PLRG1: variants seen among roughly 807,000 people sequenced by gnomAD.
The protein encoded by PLRG1 is pleiotropic regulator 1, also known as pleiotropic regulator 1 (PRL1 homolog, Arabidopsis).
PLRG1 carries 28 observed loss-of-function variants against 74.9 expected under a neutral mutation model. That is an observed-to-expected ratio of 0.37 (90% CI 0.28 to 0.51). PLRG1 has a LOEUF of 0.51. PLRG1 is among the 20% of genes least tolerant of loss of function. The pLI, the probability that PLRG1 is intolerant of heterozygous loss-of-function variation, is 0.91. For synonymous variants in PLRG1, 197 were observed against 212.4 expected, an observed-to-expected ratio of 0.93 and a Z score of 0.63; for missense variants, 445 against 631.9, an observed-to-expected ratio of 0.70 and a Z score of 3.17.
Position 154,536,144 on chromosome 4 carries a change from A to G in PLRG1, c.*541T>C, listed in dbSNP as rs893320810. On this transcript the variant is annotated 3_prime_UTR_variant, in exon 15 of 15. Transcript: ENST00000499023. Reference sequence around the variant, plus strand: ...TACAGAATTTCTATACTAAGCTACCAAACTGGAAGTCTTAGAGGATAGACA... The same window carrying G: ...TACAGAATTTCTATACTAAGCTACCGAACTGGAAGTCTTAGAGGATAGACA... The G allele has an allele frequency of 2.0e-5, 3 of 153,070 alleles. No homozygotes were observed. The highest frequency in any genetic ancestry group is 2.1e-4 in the South Asian group (1 of 4,856). 9.5% of individuals were successfully genotyped at this position (153,070 alleles called of 1,614,324 possible).
chr4:154,537,623 T>C (rs1239617123), intron 13 of PLRG1, 144 bp from the exon 14 acceptor site: 1 of 571,176 alleles, frequency 1.8e-6, no homozygotes, highest in Non-Finnish European at 3.0e-6. Flanking sequence ...TCTCTTAATA[T>C]TGGTTTGTCT....
intron 1 of PLRG1, chr4:154,549,203 G>T: frequency 2.3e-6 from 1 of 430,464 alleles, no homozygotes. Flanking sequence ...TGTCTGGCAG[G>T]TATTGTGCTA....
Position 154,546,147 on chromosome 4 carries a change from G to A in PLRG1, c.380C>T (p.Ala127Val), listed in dbSNP as rs1454378408. ...CTTGGTCTGCAAAGGTAATGCCACC[G>A]CTAAGGACTGTGCAGCTGATTCACT... ...MPSESAAQSL[A>V]VALPLQTKAD... Residue 127 changes from alanine to valine, a missense_variant, in exon 5 of 15, where the codon GCG (alanine) becomes GTG (valine). Transcript: ENST00000499023. 6 of 1,599,732 alleles carry A rather than the reference G, an allele frequency of 3.8e-6. No homozygotes were observed. Among genetic ancestry groups the A allele is most frequent in the Admixed American group, 1.7e-5 (1 of 59,908 alleles).
Position 154,548,858 on chromosome 4 carries a change from A to T in PLRG1, c.87T>A (p.Asn29Lys), listed in dbSNP as rs771383025. Residue 29 changes from asparagine (N) to lysine (K), a missense_variant, in exon 2 of 15, where the codon AAT becomes AAA. This residue lies in a region of PLRG1 where 18 missense variants were observed against 43.4 expected (regional missense o/e 0.41). Transcript: ENST00000499023. ...KRTHDMFVAD[N>K]GKPVPLDEES... ...CTTCATCTAAAGGCACAGGTTTTCCATTATCAGCTACAAACATGTCATGGG... is the reference window on the plus strand; with the variant it reads ...CTTCATCTAAAGGCACAGGTTTTCCTTTATCAGCTACAAACATGTCATGGG... 6.2e-7 allele frequency: 1 copy of T among 1,609,354 alleles called. No homozygotes were observed. The highest frequency in any genetic ancestry group is 8.5e-7 in the Non-Finnish European group (1 of 1,175,868).
At chr4:154,547,613 CA>C (rs1039738075) in intron 3 of PLRG1, 97 bp downstream of exon 3, 1 of 1,088,140 alleles carries the variant, frequency 9.2e-7, no homozygotes, top group Non-Finnish European at 1.4e-6. Flanking sequence ...TGTACGACCA[CA>C]ATAAGTCCTG....
chr4:154,546,081 G>A, intron 5 of PLRG1, 42 bp downstream of exon 5: 2 of 1,270,988 alleles, frequency 1.6e-6, no homozygotes, highest in Non-Finnish European at 2.3e-6. Flanking sequence ...TGTGAACAGT[G>A]AAATATGCTT....
chr4:154,546,232 A>G lies in PLRG1; in HGVS notation c.314-19T>C, dbSNP rs952889948. On this transcript the variant is annotated intron_variant, in intron 4 of 14. Transcript: ENST00000499023. ...GCAACCCCTATTAAAATGAAAAATC[A>G]ACTTCTTTTAGTAGCTGTGTATTAT... The G allele has an allele frequency of 2.2e-6, 3 of 1,340,764 alleles. No individual in the cohort carries two copies. Among genetic ancestry groups the G allele is most frequent in the Non-Finnish European group, 3.2e-6 (3 of 934,520 alleles). The allele number at this position is 1,340,764 out of a possible 1,614,324, so 83.1% of individuals were successfully genotyped here.
Position 154,538,055 on chromosome 4 carries a change from T to A in PLRG1, c.1205A>T (p.Asp402Val). ...PDNIKQWKFPDGSFIQNLSGH... is the reference protein window; with the variant it reads ...PDNIKQWKFPVGSFIQNLSGH... ...GGAAAGATTTTGAATGAAACTTCCA[T>A]CAGGGAATTTCCACTGCTTTATGTT... Residue 402 changes from aspartate to valine, a missense_variant, in exon 13 of 15, where the codon GAT (aspartate) becomes GTT (valine). Asp to Val is a radical substitution (Grantham distance 152, BLOSUM62 -3). Around this residue, in one of 3 missense-constraint regions of PLRG1, gnomAD observed 221 missense variants for 377.7 expected, o/e 0.59. Transcript: ENST00000499023. 1 of 1,521,218 alleles carries A rather than the reference T, an allele frequency of 6.6e-7. No homozygotes were observed. The highest frequency in any genetic ancestry group is 2.3e-5 in the East Asian group (1 of 44,074). The allele number at this position is 1,521,218 out of a possible 1,614,324, so 94.2% of individuals were successfully genotyped here.
At chr4:154,547,687 C>G in intron 3 of PLRG1, 24 bp downstream of exon 3, 1 of 1,598,526 alleles carries the variant, frequency 6.3e-7, no homozygotes, top group Non-Finnish European at 8.6e-7. Context: ...ATAAGTCTGA[C>G]ATTTCTGATA....
chr4:154,550,166 T>TC, intron 1 of PLRG1, 134 bp downstream of exon 1: 1 of 846,592 alleles, frequency 1.2e-6, no homozygotes, highest in East Asian at 2.4e-5. Flanking sequence ...AAGAGACCAC[T>TC]CGGCCTTGGC....
chr4:154,550,072 C>A (rs1160779113), intron 1 of PLRG1, among the ~76,000 whole-genome samples: 1 of 152,212 alleles, frequency 6.6e-6, no homozygotes, highest in Non-Finnish European at 1.5e-5. Flanking sequence ...GAGGACTGGA[C>A]GAATTATCTC....
rs1401720246 is a variant in PLRG1 at position 154,542,175 on chromosome 4, CTTCA to C, written c.687+8_687+11del. On this transcript the variant is annotated splice_region_variant and intron_variant, in intron 8 of 14. Coordinates refer to ENST00000499023, the MANE Select transcript of PLRG1 (RefSeq NM_002669.4). Reference sequence around the variant, plus strand: ...ACAAAGTCATGTTTATTTTTTCTTCCTTCATTATTACCTTTATAGTTCTGTCAGC... The same window carrying C: ...ACAAAGTCATGTTTATTTTTTCTTCCTTATTACCTTTATAGTTCTGTCAGC... 8.1e-6 allele frequency: 12 copies of C among 1,479,708 alleles called. No individual in the cohort carries two copies. Among genetic ancestry groups the C allele is most frequent in the Non-Finnish European group, 1.0e-5 (11 of 1,058,050 alleles). 91.7% of individuals were successfully genotyped at this position (1,479,708 alleles called of 1,614,324 possible).
chr4:154,541,268 T>C (rs1729551495), intron 8 of PLRG1, among the ~76,000 whole-genome samples: 2 of 152,164 alleles, frequency 1.3e-5, no homozygotes, highest in African/African-American at 2.4e-5. Context: ...CAAATACAGA[T>C]ATGAAAAAGT....
At position 154,547,011 on chromosome 4, in the gene PLRG1, C is replaced by A. The variant is rs560611448; in HGVS notation, c.313G>T (p.Gly105Trp). The change falls in exon 4 of 15, where the codon GGG becomes TGG. Residue 105 changes from glycine to tryptophan, a missense_variant and splice_region_variant. Gly to Trp is a radical substitution (Grantham distance 184). Transcript: ENST00000499023. ...TTTCAATATATAACAGCTCACTAAC[C>A]AGGTCCTGGTGGGTATGGATGTGTA... is the stretch of plus-strand genomic sequence containing the variant. Reference protein sequence around the residue: ...AGTHPYPPGPGVALTADTKIQ... With the variant: ...AGTHPYPPGPWVALTADTKIQ... 6.2e-7 allele frequency: 1 copy of A among 1,602,118 alleles called. No individual in the cohort carries two copies. The highest frequency in any genetic ancestry group is 1.1e-5 in the South Asian group (1 of 90,774).
In PLRG1 at chr4:154,550,354, A is replaced by C. The variant is rs1352290642; in HGVS notation, c.-46T>G. The stretch of plus-strand genomic sequence containing the variant: ...CTCCGGCAGGGAAGAAACTCTAATC[A>C]CTAACGCAGTACCCGCCGCCACAGC... On this transcript the variant is annotated 5_prime_UTR_variant, in exon 1 of 15. Transcript: ENST00000499023. The C allele has an allele frequency of 5.6e-6, 9 of 1,593,568 alleles. No homozygotes were observed. In the Admixed American group the frequency reaches 1.5e-4, roughly 27 times the overall value.
chr4:154,541,760 C>A (rs1379919970), intron 8 of PLRG1, among the ~76,000 whole-genome samples: 2 of 152,102 alleles, frequency 1.3e-5, no homozygotes, highest in East Asian at 3.8e-4. Context: ...GATACACACA[C>A]AGGAAAAGAG....
intron 1 of PLRG1, 146 bp downstream of exon 1, chr4:154,550,154 A>G: frequency 2.6e-6 from 2 of 771,516 alleles, no homozygotes; most frequent in Non-Finnish European, 4.5e-6. Context: ...GAAAACCCGA[A>G]GAAGAGACCA....
chr4:154,543,787 C>T (rs1227943780), intron 7 of PLRG1: 1 of 152,264 alleles, frequency 6.6e-6, no homozygotes, highest in South Asian at 2.1e-4. Context: ...TTTTAAGATA[C>T]ATATTAAATT....
chr4:154,545,852 G>A lies in PLRG1; in HGVS notation c.476C>T (p.Pro159Leu). The change falls in exon 6 of 15, where the codon CCT becomes CTT. Residue 159 changes from proline (P) to leucine (L), a missense_variant. Around this residue, in one of 3 missense-constraint regions of PLRG1, gnomAD observed 206 missense variants for 210.8 expected, o/e 0.98. Coordinates refer to ENST00000499023, the MANE Select transcript of PLRG1 (RefSeq NM_002669.4). ...RHPGASDRPQ[P>L]TAMNSIVMET... is the part of the protein sequence containing the mutation. ...AAAACTTACTGAATTCATCGCTGTA[G>A]GCTGTGGACGGTCAGAAGCCCCAGG... 6.2e-7 allele frequency: 1 copy of A among 1,607,792 alleles called. No individual in the cohort carries two copies. The highest frequency in any genetic ancestry group is 8.5e-7 in the Non-Finnish European group (1 of 1,174,792).
Sources: allele counts gnomAD v4.1 joint callset (sites outside exome capture counted in the v4.1 genomes callset), GRCh38; gene constraint gnomAD v4.1.1; regional missense constraint gnomAD v4.1.1; transcripts MANE v1.5; gene names NCBI Gene and HGNC (gene_info 2026-07-23, HGNC 2026-07-21).